The following CFAP54 variants were observed in gnomAD, a reference collection of about 807,000 sequenced individuals.
CFAP54 encodes cilia- and flagella-associated protein 54.
Under a neutral mutation model 370.4 loss-of-function variants are expected in CFAP54, and 290 were observed. The observed-to-expected ratio is 0.78, with a 90% CI of 0.71 to 0.86. CFAP54 has a LOEUF of 0.86. Among genes scored for constraint, CFAP54 ranks in the 40% least tolerant of loss-of-function variants. The pLI is 0.00. For missense variants in CFAP54, 3,399 were observed against 3,528.7 expected, an observed-to-expected ratio of 0.96 and a Z score of 0.93; for synonymous variants, 1,206 against 1,236.5, an observed-to-expected ratio of 0.98 and a Z score of 0.52.
At chr12:96,531,188 C>CT (rs1955437583) in intron 9 of CFAP54, among the ~76,000 whole-genome samples, 1 of 152,142 alleles carries the variant, frequency 6.6e-6, no homozygotes, top group Admixed American at 6.5e-5. Context: ...AATACAAACT[C>CT]TAAGAATTTT....
intron 47 of CFAP54, among the ~76,000 whole-genome samples, chr12:96,708,276 G>T (rs957964923): frequency 6.6e-6 from 1 of 152,104 alleles, no homozygotes; most frequent in Non-Finnish European, 1.5e-5. Context: ...CAGAGTAGCC[G>T]ATGTGTGTGT....
rs1592792896 is a variant in CFAP54 at position 96,829,142 on chromosome 12, A to G, written c.9171+54A>G. ...TAATTCACTCACAAGTATTATTGCT[A>G]TGAAATGGAAATATAGAAAACATCT... On this transcript the variant is annotated intron_variant, in intron 66 of 67. Coordinates refer to ENST00000524981, the MANE Select transcript of CFAP54 (RefSeq NM_001306084.2). 5.0e-6 allele frequency: 5 copies of G among 1,003,490 alleles called. No homozygotes were observed. The South Asian group carries it at 8.1e-5, about 16-fold the overall frequency. The allele number at this position is 1,003,490 out of a possible 1,614,324, so 62.2% of individuals were successfully genotyped here. A position where few individuals can be genotyped will look rare whatever the true frequency, so the allele number is the denominator to read the frequency against.
At chr12:96,817,310 T>A (rs1314615132) in intron 64 of CFAP54, among the ~76,000 whole-genome samples, 1 of 152,268 alleles carries the variant, frequency 6.6e-6, no homozygotes, top group Non-Finnish European at 1.5e-5. Context: ...TTGCTCATGT[T>A]TCTTGAATAA....
At chr12:96,653,714 T>G (rs1190136339) in intron 36 of CFAP54, among the ~76,000 whole-genome samples, 1 of 150,914 alleles carries the variant, frequency 6.6e-6, no homozygotes, top group South Asian at 2.1e-4. Flanking sequence ...AAGAGCAAAT[T>G]AAATCTAAAC....
chr12:96,506,115 G>A (rs570838760), intron 3 of CFAP54, among the ~76,000 whole-genome samples: 267 of 152,168 alleles, frequency 1.8e-3, no homozygotes, highest in Non-Finnish European at 2.8e-3. Flanking sequence ...CGAGGCAGGC[G>A]GATCACGAGG....
At chr12:96,519,859 A>C (rs766251129) in intron 6 of CFAP54, among the ~76,000 whole-genome samples, 10 of 152,236 alleles carry the variant, frequency 6.6e-5, no homozygotes, top group Non-Finnish European at 1.0e-4. Flanking sequence ...CATGCTGTGC[A>C]ATAGATCTCA....
intron 50 of CFAP54, among the ~76,000 whole-genome samples, chr12:96,732,076 T>C (rs1957927026): frequency 6.6e-6 from 1 of 151,946 alleles, no homozygotes; most frequent in African/African-American, 2.4e-5. Context: ...GAAAAAGAGA[T>C]GAACAATCTT....
chr12:96,574,736 T>C (rs1955958214), intron 19 of CFAP54, among the ~76,000 whole-genome samples: 1 of 152,116 alleles, frequency 6.6e-6, no homozygotes, highest in Admixed American at 6.5e-5. Context: ...CAGTTCATTA[T>C]TTTGTTAGTA....
intron 38 of CFAP54, 152 bp downstream of exon 38, chr12:96,658,498 T>C: frequency 4.0e-6 from 4 of 1,011,924 alleles, no homozygotes; most frequent in Non-Finnish European, 5.8e-6. Context: ...ACAAACATTA[T>C]TGAGAGCCTG....
chr12:96,585,643 C>T (rs1425975843), intron 22 of CFAP54, among the ~76,000 whole-genome samples: 1 of 152,136 alleles, frequency 6.6e-6, no homozygotes, highest in African/African-American at 2.4e-5. Context: ...TTAAACCTCA[C>T]CCTTCTTTTT....
At chr12:96,707,149 G>A (rs1957555784) in intron 47 of CFAP54, among the ~76,000 whole-genome samples, 1 of 152,164 alleles carries the variant, frequency 6.6e-6, no homozygotes, top group African/African-American at 2.4e-5. Flanking sequence ...AACTAAGGGA[G>A]TGTGGTGGCC....
chr12:96,605,658 G>A (rs142200800), intron 26 of CFAP54, among the ~76,000 whole-genome samples: 1 of 152,316 alleles, frequency 6.6e-6, no homozygotes, highest in East Asian at 1.9e-4. Flanking sequence ...GTCAGGCACT[G>A]GTTTGGGCTC....
intron 13 of CFAP54, among the ~76,000 whole-genome samples, chr12:96,538,918 A>G (rs1955538779): frequency 6.6e-6 from 1 of 151,770 alleles, no homozygotes; most frequent in South Asian, 2.1e-4. Context: ...ATGCCCAGCA[A>G]TTTTGTTTTA....
At chr12:96,667,837 G>A (rs1957099189) in intron 39 of CFAP54, among the ~76,000 whole-genome samples, 1 of 152,152 alleles carries the variant, frequency 6.6e-6, no homozygotes, top group African/African-American at 2.4e-5. Flanking sequence ...TTGTCAGGCT[G>A]TAGATTTTCC....
Position 96,747,187 on chromosome 12 carries a change from C to A in CFAP54, c.7684+3041C>A, listed in dbSNP as rs1592739365. Among the ~76,000 whole-genome samples the A allele has an allele frequency of 2.6e-5, 4 of 152,164 alleles. No homozygotes were observed. The South Asian group carries it at 8.3e-4, about 31-fold the overall frequency. ...TTTCAGATTTCATTCATCCATTAGA[C>A]TACTATGCAACCACTAATAATAATG... On this transcript the variant is annotated intron_variant, in intron 55 of 67. Coordinates refer to ENST00000524981, the MANE Select transcript of CFAP54 (RefSeq NM_001306084.2).
chr12:96,610,782 A>G (rs528211197), intron 26 of CFAP54, among the ~76,000 whole-genome samples: 1 of 152,272 alleles, frequency 6.6e-6, no homozygotes, highest in South Asian at 2.1e-4. Flanking sequence ...ACAGAGCCTC[A>G]CTCATTGCTA....
chr12:96,850,667 A>G (rs150832824), intron 66 of CFAP54, among the ~76,000 whole-genome samples: 13 of 152,116 alleles, frequency 8.5e-5, no homozygotes, highest in African/African-American at 3.1e-4. Flanking sequence ...CTATAAAGAT[A>G]CTATCTGAAA....
chr12:96,711,352 T>C (rs531548113), intron 48 of CFAP54, among the ~76,000 whole-genome samples: 1 of 152,316 alleles, frequency 6.6e-6, no homozygotes. Flanking sequence ...TCTTCTACTT[T>C]TTCTTCTGTT....
At chr12:96,777,410 C>T (rs544355984) in intron 60 of CFAP54, among the ~76,000 whole-genome samples, 64 of 150,590 alleles carry the variant, frequency 4.2e-4, no homozygotes, top group Non-Finnish European at 6.8e-4. Flanking sequence ...AGTGCAATGG[C>T]GCAATCTCGC....
Sources: gnomAD v4.1 joint callset for allele counts (sites outside exome capture counted in the v4.1 genomes callset) on GRCh38, gnomAD v4.1.1 for gene constraint, MANE v1.5 for transcripts, NCBI Gene and HGNC (gene_info 2026-07-23, HGNC 2026-07-21) for gene names.